The following HM13 variants were observed in gnomAD, a reference collection of about 807,000 sequenced individuals.
HM13 encodes signal peptide peptidase.
HM13 carries 18 observed loss-of-function variants against 50.0 expected under a neutral mutation model. The observed-to-expected ratio is 0.36, with a 90% CI of 0.25 to 0.53. The LOEUF is 0.53. Among genes scored for constraint, HM13 ranks in the 20% least tolerant of loss-of-function variants. HM13 has a pLI of 0.90. For synonymous variants in HM13, 197 were observed against 232.6 expected, an observed-to-expected ratio of 0.85 and a Z score of 1.39; for missense variants, 393 against 552.4, an observed-to-expected ratio of 0.71 and a Z score of 2.89.
chr20:31,527,390 A>G, intron 1 of HM13, 94 bp from the exon 2 acceptor site: 1 of 813,738 alleles, frequency 1.2e-6, no homozygotes, highest in Non-Finnish European at 2.0e-6. Context: ...TGAGGCAGGC[A>G]GCATCCCTAG....
intron 7 of HM13, among the ~76,000 whole-genome samples, chr20:31,551,669 C>T (rs1249818248): frequency 3.3e-5 from 5 of 152,252 alleles, no homozygotes; most frequent in Admixed American, 6.5e-5. Flanking sequence ...AAGATGCTGC[C>T]GGGAGGGCAG....
chr20:31,531,763 C>T (rs1401476283), intron 2 of HM13, among the ~76,000 whole-genome samples: 1 of 152,086 alleles, frequency 6.6e-6, no homozygotes, highest in Admixed American at 6.6e-5. Flanking sequence ...CCACAAGCAA[C>T]CAGCCTGGGC....
intron 4 of HM13, chr20:31,547,967 T>G: frequency 6.5e-7 from 1 of 1,541,436 alleles, no homozygotes; most frequent in South Asian, 1.1e-5. Flanking sequence ...GCAGAAGATA[T>G]TGAGAAAGTC....
chr20:31,522,275 T>C (rs1352222829), intron 1 of HM13, among the ~76,000 whole-genome samples: 1 of 151,972 alleles, frequency 6.6e-6, no homozygotes, highest in Non-Finnish European at 1.5e-5. Context: ...CAAAGCACAC[T>C]CCTCAAGCCG....
chr20:31,537,600 G>A (rs1162251902), intron 2 of HM13, among the ~76,000 whole-genome samples: 1 of 152,180 alleles, frequency 6.6e-6, no homozygotes, highest in Admixed American at 6.5e-5. Context: ...GGAGCATTGT[G>A]ACAGAATATT....
chr20:31,568,320 C>G (rs1335094627), intron 12 of HM13, 96 bp downstream of exon 12: 2 of 1,474,050 alleles, frequency 1.4e-6, no homozygotes, highest in Non-Finnish European at 1.8e-6. Context: ...AGGGCAGGGA[C>G]CATTGCCAGG....
chr20:31,547,733 C>T, intron 4 of HM13: 2 of 1,092,906 alleles, frequency 1.8e-6, no homozygotes, highest in South Asian at 2.7e-5. Flanking sequence ...AGAAAGGGGC[C>T]TTTTTGTCCA....
At chr20:31,516,966 C>G (rs1442884927) in intron 1 of HM13, among the ~76,000 whole-genome samples, 1 of 152,238 alleles carries the variant, frequency 6.6e-6, no homozygotes, top group African/African-American at 2.4e-5. Context: ...GAAGATCACT[C>G]TGCCATTTAG....
At chr20:31,566,791 A>G (rs1461338713) in intron 11 of HM13, among the ~76,000 whole-genome samples, 3 of 151,550 alleles carry the variant, frequency 2.0e-5, no homozygotes, top group Non-Finnish European at 2.9e-5. Flanking sequence ...TGCTTTCTCT[A>G]TATCTGTATC....
In HM13 at chr20:31,569,345, A is replaced by G; in HGVS notation, c.*126A>G. 1.7e-6 allele frequency: 1 copy of G among 601,744 alleles called. No individual in the cohort carries two copies. The highest frequency in any genetic ancestry group is 3.0e-6 in the Non-Finnish European group (1 of 336,402). 37.3% of individuals were successfully genotyped at this position (601,744 alleles called of 1,614,324 possible). A position where few individuals can be genotyped will look rare whatever the true frequency, so the allele number is the denominator to read the frequency against. On this transcript the variant is annotated 3_prime_UTR_variant, in exon 13 of 13. Coordinates refer to ENST00000398174, the MANE Select transcript of HM13 (RefSeq NM_178581.3). ...CCAGGACAGGGCAGGGGGCAGCAGG[A>G]TACCTCCAGCCAGGCCTCTGTGGCC...
intron 8 of HM13, among the ~76,000 whole-genome samples, chr20:31,556,296 C>T (rs1017185133): frequency 1.3e-5 from 2 of 152,224 alleles, no homozygotes; most frequent in Admixed American, 1.3e-4. Context: ...CCTCGGCCCC[C>T]ACAAAGTGCT....
chr20:31,515,452 C>G (rs920412955), intron 1 of HM13, among the ~76,000 whole-genome samples: 1 of 152,230 alleles, frequency 6.6e-6, no homozygotes, highest in Admixed American at 6.5e-5. Flanking sequence ...CCTCTCTTAA[C>G]TACCATCCAA....
intron 4 of HM13, chr20:31,547,911 G>A (rs867143785): frequency 2.0e-5 from 23 of 1,172,440 alleles, no homozygotes; most frequent in African/African-American, 1.4e-4. Flanking sequence ...CAGTCACAGC[G>A]GAAGGAAAAC....
chr20:31,560,482 C>T (rs1411888431), intron 9 of HM13, among the ~76,000 whole-genome samples: 1 of 152,210 alleles, frequency 6.6e-6, no homozygotes, highest in Non-Finnish European at 1.5e-5. Context: ...CACTCACATA[C>T]ACCTGGGTTA....
intron 4 of HM13, among the ~76,000 whole-genome samples, chr20:31,545,675 G>A (rs1983672665): frequency 6.6e-6 from 1 of 152,172 alleles, no homozygotes; most frequent in African/African-American, 2.4e-5. Flanking sequence ...TTAGGGTATG[G>A]ATTCAAATGC....
At chr20:31,562,938 G>C (rs1984698210) in intron 10 of HM13, among the ~76,000 whole-genome samples, 1 of 152,112 alleles carries the variant, frequency 6.6e-6, no homozygotes, top group African/African-American at 2.4e-5. Context: ...AGACCTTTTG[G>C]AGGTCTCTGC....
chr20:31,527,850 A>T, intron 2 of HM13: 2 of 367,592 alleles, frequency 5.4e-6, no homozygotes, highest in Non-Finnish European at 9.7e-6. Flanking sequence ...TTATGTTGGG[A>T]TGGGGTATAG....
intron 7 of HM13, among the ~76,000 whole-genome samples, chr20:31,553,015 T>C (rs1241862627): frequency 6.6e-6 from 1 of 151,936 alleles, no homozygotes; most frequent in Non-Finnish European, 1.5e-5. Flanking sequence ...AAAAATTAAA[T>C]GGCCAGGCGT....
intron 4 of HM13, chr20:31,548,439 C>T (rs1199032415): frequency 5.5e-6 from 1 of 181,968 alleles, no homozygotes; most frequent in Non-Finnish European, 1.2e-5. Flanking sequence ...GCATCTCTTC[C>T]CTTCTTCATC....
Sources: gnomAD v4.1 joint callset for allele counts (sites outside exome capture counted in the v4.1 genomes callset) on GRCh38, gnomAD v4.1.1 for gene constraint, MANE v1.5 for transcripts, NCBI Gene and HGNC (gene_info 2026-07-23, HGNC 2026-07-21) for gene names.